Variants in AGPS observed in about 807,000 individuals in gnomAD.
The protein encoded by AGPS is alkylglycerone phosphate synthase.
In AGPS, 26 loss-of-function variants were observed where a neutral mutation model predicts 90.7. That is an observed-to-expected ratio of 0.29 (90% CI 0.21 to 0.40). The LOEUF is 0.40. Ranked by LOEUF, AGPS falls within the 10% of genes least tolerant of loss-of-function variation. AGPS has a pLI of 1.00. For synonymous variants in AGPS, 294 were observed against 285.3 expected, an observed-to-expected ratio of 1.03 and a Z score of -0.31; for missense variants, 540 against 816.1, an observed-to-expected ratio of 0.66 and a Z score of 4.12.
chr2:177,498,730 G>A (rs907943484), intron 13 of AGPS, among the ~76,000 whole-genome samples: 1 of 151,502 alleles, frequency 6.6e-6, no homozygotes, highest in Admixed American at 6.6e-5. Flanking sequence ...ATTGTTAACC[G>A]GTTGTGGCAG....
chr2:177,471,538 A>G (rs962358161), intron 10 of AGPS, among the ~76,000 whole-genome samples: 4 of 152,172 alleles, frequency 2.6e-5, no homozygotes, highest in Non-Finnish European at 4.4e-5. Flanking sequence ...GGTATTTACT[A>G]TATATGGATT....
chr2:177,533,789 T>TGAAATAC (rs2079160042), intron 19 of AGPS, among the ~76,000 whole-genome samples: 1 of 152,196 alleles, frequency 6.6e-6, no homozygotes, highest in Non-Finnish European at 1.5e-5. Flanking sequence ...AATTAAATCT[T>TGAAATAC]GAAATACAAA....
intron 9 of AGPS, among the ~76,000 whole-genome samples, chr2:177,467,474 G>A: frequency 6.6e-6 from 1 of 152,068 alleles, no homozygotes; most frequent in Middle Eastern, 3.2e-3. Context: ...GTTGGATCAA[G>A]AAGTTTATAC....
chr2:177,480,643 G>A (rs1207893130), intron 10 of AGPS, among the ~76,000 whole-genome samples: 1 of 151,968 alleles, frequency 6.6e-6, no homozygotes, highest in East Asian at 1.9e-4. Context: ...GAGTTAATGG[G>A]TGCAGCACAC....
At chr2:177,422,496 G>T (rs911536999) in intron 2 of AGPS, among the ~76,000 whole-genome samples, 1 of 152,144 alleles carries the variant, frequency 6.6e-6, no homozygotes. Flanking sequence ...GAGTCCAGTG[G>T]GGGAGAGGGA....
chr2:177,417,928 A>G (rs573408543), intron 1 of AGPS, among the ~76,000 whole-genome samples: 2 of 152,306 alleles, frequency 1.3e-5, no homozygotes, highest in Admixed American at 1.3e-4. Flanking sequence ...GTTTAAAACT[A>G]GAAGCCTGGG....
intron 3 of AGPS, among the ~76,000 whole-genome samples, chr2:177,436,163 CAG>C (rs1686405083): frequency 2.5e-4 from 1 of 3,964 alleles, no homozygotes; most frequent in Admixed American, 3.9e-3. Flanking sequence ...TTTTTTGCGA[CAG>C]AGTCTCGCTC....
intron 8 of AGPS, among the ~76,000 whole-genome samples, chr2:177,461,316 G>A (rs752708358): frequency 6.6e-6 from 1 of 152,204 alleles, no homozygotes; most frequent in Non-Finnish European, 1.5e-5. Context: ...GTATAGTAAT[G>A]CATGATCTGC....
At chr2:177,426,978 A>C (rs926840990) in intron 2 of AGPS, among the ~76,000 whole-genome samples, 2 of 152,098 alleles carry the variant, frequency 1.3e-5, no homozygotes, top group Admixed American at 1.3e-4. Flanking sequence ...TTCAGCTGTA[A>C]ATCTGTCTGG....
chr2:177,511,596 G>C (rs1371729780), intron 16 of AGPS, among the ~76,000 whole-genome samples: 1 of 152,068 alleles, frequency 6.6e-6, no homozygotes, highest in African/African-American at 2.4e-5. Flanking sequence ...AGGATGTAGA[G>C]GTAATCCAAT....
chr2:177,402,916 G>T (rs1028986419), intron 1 of AGPS, among the ~76,000 whole-genome samples: 1 of 152,048 alleles, frequency 6.6e-6, no homozygotes, highest in Non-Finnish European at 1.5e-5. Context: ...AATTAGCCAG[G>T]CGTGGTGGTG....
intron 11 of AGPS, among the ~76,000 whole-genome samples, chr2:177,487,362 A>G (rs75862717): frequency 0.035 from 5,365 of 152,236 alleles, 216 homozygotes; most frequent in African/African-American, 0.098. Flanking sequence ...TTAGAATTAT[A>G]GATGAAAATG....
chr2:177,425,809 T>G (rs904216865), intron 2 of AGPS, among the ~76,000 whole-genome samples: 10 of 152,146 alleles, frequency 6.6e-5, no homozygotes, highest in African/African-American at 2.4e-4. Flanking sequence ...GTAGTATAGT[T>G]GGAACTTGGG....
chr2:177,491,208 G>A (rs1340057969), intron 11 of AGPS, among the ~76,000 whole-genome samples: 3 of 151,634 alleles, frequency 2.0e-5, no homozygotes, highest in Non-Finnish European at 4.4e-5. Context: ...GTCTCCTAAA[G>A]ACGGAATAGT....
In AGPS at chr2:177,408,551, C is replaced by CT. The variant is rs570335382; in HGVS notation, c.261-11717dup. Among the ~76,000 whole-genome samples the CT allele has an allele frequency of 5.3e-4, 80 of 152,270 alleles. 2 individuals are homozygous for CT. The South Asian group carries it at 0.016, about 31-fold the overall frequency. The stretch of plus-strand genomic sequence containing the variant: ...TGGGTATAGATTTATGCCACCTCCT[C>CT]TGTCATGTAATCATATTTCCATTTC... On this transcript the variant is annotated intron_variant, in intron 1 of 19. Transcript: ENST00000264167.
At chr2:177,410,442 A>G (rs1685586899) in intron 1 of AGPS, among the ~76,000 whole-genome samples, 5 of 152,284 alleles carry the variant, frequency 3.3e-5, no homozygotes, top group African/African-American at 1.2e-4. Context: ...CTAGGTAAGC[A>G]TGCCTAGAGT....
chr2:177,505,892 C>T (rs931889148), intron 15 of AGPS, among the ~76,000 whole-genome samples: 1 of 151,854 alleles, frequency 6.6e-6, no homozygotes, highest in Non-Finnish European at 1.5e-5. Context: ...TTTTACTTAG[C>T]AACACTCTTC....
In AGPS at chr2:177,392,849, G is replaced by A. The variant is rs1296401827; in HGVS notation, c.60G>A (p.Gly20=). The part of the protein sequence containing the change: ...GTGLGAGASY[G]SAADRDRDPD... ...GCTTGGGCGCGGGCGCGAGCTACGGGTCTGCAGCGGACCGGGACCGGGACC... is the reference window on the plus strand; with the variant it reads ...GCTTGGGCGCGGGCGCGAGCTACGGATCTGCAGCGGACCGGGACCGGGACC... Residue 20 remains glycine (G), a synonymous_variant, in exon 1 of 20, where the codon GGG becomes GGA. Coordinates refer to ENST00000264167, the MANE Select transcript of AGPS (RefSeq NM_003659.4). 8 of 1,553,902 alleles carry A rather than the reference G, an allele frequency of 5.1e-6. No homozygotes were observed. The highest frequency in any genetic ancestry group is 6.9e-6 in the Non-Finnish European group (8 of 1,154,124).
intron 8 of AGPS, among the ~76,000 whole-genome samples, chr2:177,455,767 C>A (rs76201624): frequency 0.15 from 16,881 of 112,490 alleles, 1,221 homozygotes; most frequent in East Asian, 0.45. Context: ...GTTTCCTTTA[C>A]TATTTCTCCT....
Sources: gnomAD v4.1 joint callset for allele counts (sites outside exome capture counted in the v4.1 genomes callset) on GRCh38, gnomAD v4.1.1 for gene constraint, MANE v1.5 for transcripts, NCBI Gene and HGNC (gene_info 2026-07-23, HGNC 2026-07-21) for gene names.